Variants in ABHD18 observed in about 807,000 individuals in gnomAD.
The protein encoded by ABHD18 is cardiolipin-specific deacylase, mitochondrial.
Under a neutral mutation model 65.9 loss-of-function variants are expected in ABHD18, and 55 were observed. The observed-to-expected ratio is 0.84, with a 90% CI of 0.67 to 1.05. ABHD18 has a LOEUF of 1.05. Ranked by LOEUF, ABHD18 falls within the 50% of genes least tolerant of loss-of-function variation. The pLI, the probability that ABHD18 is intolerant of heterozygous loss-of-function variation, is 0.00. For missense variants in ABHD18, 533 were observed against 558.5 expected (o/e 0.95, Z 0.46); for synonymous variants, 181 against 180.2 (o/e 1.00, Z -0.04).
intron 1 of ABHD18, 82 bp from the exon 2 acceptor site, chr4:127,982,857 G>C (rs886157543): frequency 1.5e-6 from 1 of 672,384 alleles, no homozygotes; most frequent in African/African-American, 1.9e-5. Flanking sequence ...TTACATGATA[G>C]TCAAAGAAAT....
chr4:127,966,488 C>A (rs1422323367), intron 1 of ABHD18, among the ~76,000 whole-genome samples: 1 of 151,878 alleles, frequency 6.6e-6, no homozygotes, highest in Non-Finnish European at 1.5e-5. Context: ...ATGGTATATG[C>A]CATCACTTCT....
chr4:127,998,811 C>A (rs1397835979), intron 4 of ABHD18, among the ~76,000 whole-genome samples: 1 of 152,108 alleles, frequency 6.6e-6, no homozygotes, highest in Non-Finnish European at 1.5e-5. Context: ...ATAAATGTTA[C>A]ATTTTAAATT....
At chr4:127,977,835 TG>T (rs1340021946) in intron 1 of ABHD18, among the ~76,000 whole-genome samples, 2 of 152,156 alleles carry the variant, frequency 1.3e-5, no homozygotes, top group Non-Finnish European at 2.9e-5. Context: ...AGGAATCTTA[TG>T]GTAGTTATCA....
At chr4:127,996,107 A>G (rs747659639) in intron 4 of ABHD18, among the ~76,000 whole-genome samples, 1 of 152,254 alleles carries the variant, frequency 6.6e-6, no homozygotes, top group Non-Finnish European at 1.5e-5. Context: ...GAAAAGGAGT[A>G]GACAGCTACA....
At chr4:128,028,349 A>C (rs979095569) in intron 10 of ABHD18, 126 bp from the exon 11 acceptor site, 2 of 707,576 alleles carry the variant, frequency 2.8e-6, no homozygotes, top group African/African-American at 3.7e-5. Flanking sequence ...AATTGTTTGA[A>C]TATACTACAT....
chr4:128,001,391 T>A (rs1374374501), intron 4 of ABHD18, among the ~76,000 whole-genome samples: 3 of 152,228 alleles, frequency 2.0e-5, no homozygotes, highest in Non-Finnish European at 2.9e-5. Flanking sequence ...TCTATTGAGA[T>A]GATCATGTGG....
chr4:127,996,832 GC>G (rs993323882), intron 4 of ABHD18, among the ~76,000 whole-genome samples: 1 of 152,184 alleles, frequency 6.6e-6, no homozygotes, highest in Non-Finnish European at 1.5e-5. Flanking sequence ...CTCGCTTTCT[GC>G]AAGAGGAGAA....
chr4:127,996,456 T>C (rs1008591683), intron 4 of ABHD18, among the ~76,000 whole-genome samples: 1 of 151,788 alleles, frequency 6.6e-6, no homozygotes, highest in Non-Finnish European at 1.5e-5. Flanking sequence ...GGAGGGGGTG[T>C]ACGAACAGGG....
At chr4:127,985,686 A>G (rs1424654832) in intron 3 of ABHD18, among the ~76,000 whole-genome samples, 1 of 152,102 alleles carries the variant, frequency 6.6e-6, no homozygotes, top group Non-Finnish European at 1.5e-5. Context: ...AATTGCTGTT[A>G]AGATTTTGGA....
chr4:128,039,545 A>C lies in ABHD18; in HGVS notation c.*3732A>C. 6.6e-6 allele frequency: 1 copy of C among 152,170 alleles called. No homozygotes were observed. The highest frequency in any genetic ancestry group is 1.9e-4 in the East Asian group (1 of 5,198). The allele number at this position is 152,170 out of a possible 1,614,324, so 9.4% of individuals were successfully genotyped here. ...TTCATGATTTGCTAATGTAATTACT[A>C]TTAAGTCATTTTAGCATGTGCATTT... On this transcript the variant is annotated 3_prime_UTR_variant, in exon 13 of 13. Transcript: ENST00000645843.
At position 128,020,187 on chromosome 4, in the gene ABHD18, A is replaced by G; in HGVS notation, c.699+18A>G. On this transcript the variant is annotated intron_variant, in intron 9 of 12. Transcript: ENST00000645843. ...TCACTACGGTAATTTAATTGTAATT[A>G]ATATTAGGTAGCTATATATAATTAG... 1 of 1,578,420 alleles carries G rather than the reference A, an allele frequency of 6.3e-7. No individual in the cohort carries two copies. The highest frequency in any genetic ancestry group is 8.7e-7 in the Non-Finnish European group (1 of 1,150,702).
At chr4:127,976,916 C>T (rs1298955167) in intron 1 of ABHD18, among the ~76,000 whole-genome samples, 3 of 152,076 alleles carry the variant, frequency 2.0e-5, no homozygotes, top group African/African-American at 7.2e-5. Context: ...TGGCGGGCAC[C>T]TATAGTCCTA....
intron 4 of ABHD18, among the ~76,000 whole-genome samples, chr4:128,005,732 C>T (rs1314293182): frequency 6.6e-6 from 1 of 152,186 alleles, no homozygotes; most frequent in Non-Finnish European, 1.5e-5. Context: ...AGACATGAGC[C>T]ACTGAGGCGG....
At chr4:127,969,813 C>T (rs75206999) in intron 1 of ABHD18, among the ~76,000 whole-genome samples, 4,395 of 150,706 alleles carry the variant, frequency 0.029, 198 homozygotes, top group African/African-American at 0.1. Flanking sequence ...AGTGGTGCAA[C>T]GATGTGCACT....
rs757023413 is a variant in ABHD18 at position 128,028,833 on chromosome 4, C to A, written c.1160C>A (p.Thr387Asn). The A allele has an allele frequency of 1.9e-6, 3 of 1,557,354 alleles. No homozygotes were observed. The highest frequency in any genetic ancestry group is 2.6e-6 in the Non-Finnish European group (3 of 1,155,478). ...IFMKGVMDECTHVANFSVPVD... is the reference protein window; with the variant it reads ...IFMKGVMDECNHVANFSVPVD... ...ATGAAAGGAGTCATGGATGAATGTA[C>A]TCATGTAGCAAATTTCTCAGGTACT... The change falls in exon 11 of 13, where the codon ACT becomes AAT. Residue 387 changes from threonine (T) to asparagine (N), a missense_variant. By Grantham distance (65) the Thr-to-Asn change is moderately conservative (BLOSUM62 0). Transcript: ENST00000645843.
chr4:127,969,228 T>A (rs1263519931), intron 1 of ABHD18, among the ~76,000 whole-genome samples: 1 of 151,062 alleles, frequency 6.6e-6, no homozygotes, highest in Non-Finnish European at 1.5e-5. Flanking sequence ...TGAGACGGAC[T>A]TTTGCTCTCG....
At chr4:127,976,791 C>T (rs1468361756) in intron 1 of ABHD18, among the ~76,000 whole-genome samples, 8 of 152,134 alleles carry the variant, frequency 5.3e-5, no homozygotes. Context: ...TCCGTAATCC[C>T]AGCACTTTGG....
At chr4:127,992,619 C>T (rs999670641) in intron 4 of ABHD18, among the ~76,000 whole-genome samples, 3 of 152,010 alleles carry the variant, frequency 2.0e-5, no homozygotes, top group African/African-American at 7.2e-5. Flanking sequence ...GCTCACTGTA[C>T]CCTCAACCTC....
In ABHD18 at chr4:128,017,416, T is replaced by C. The variant is rs1177604696; in HGVS notation, c.524T>C (p.Val175Ala). The change falls in exon 8 of 13, where the codon GTT becomes GCT. Residue 175 changes from valine (V) to alanine (A), a missense_variant. Physicochemically the swap from Val to Ala is moderately conservative, Grantham distance 64. This residue lies in a region of ABHD18 where 309 missense variants were observed against 313.5 expected (regional missense o/e 0.99). Transcript: ENST00000645843. The stretch of plus-strand genomic sequence containing the variant: ...CTTTTTGTGATGGGAGGAGCTCTTG[T>C]TTTAGAATCTGCAGCTCTCTTGCAC... ...SDLFVMGGAL[V>A]LESAALLHWL... is the part of the protein sequence containing the mutation. The C allele has an allele frequency of 1.2e-6, 2 of 1,613,796 alleles. No homozygotes were observed. The highest frequency in any genetic ancestry group is 1.7e-6 in the Non-Finnish European group (2 of 1,179,794).
Sources: gnomAD v4.1 joint callset for allele counts (sites outside exome capture counted in the v4.1 genomes callset) on GRCh38, gnomAD v4.1.1 for gene constraint, gnomAD v4.1.1 regional missense constraint, MANE v1.5 for transcripts, NCBI Gene and HGNC (gene_info 2026-07-23, HGNC 2026-07-21) for gene names.